ODAD2: variants seen among roughly 807,000 people sequenced by gnomAD.
The protein encoded by ODAD2 is outer dynein arm docking complex subunit 2, also known as outer dynein arm-docking complex subunit 2.
ODAD2 carries 89 observed loss-of-function variants against 106.8 expected under a neutral mutation model. That is an observed-to-expected ratio of 0.83 (90% CI 0.70 to 0.99). The LOEUF (loss-of-function observed/expected upper bound fraction) is 0.99. Among genes scored for constraint, ODAD2 ranks in the 50% least tolerant of loss-of-function variants. The pLI, the probability that ODAD2 is intolerant of heterozygous loss-of-function variation, is 0.00. For missense variants in ODAD2, 1,168 were observed against 1,238.5 expected (o/e 0.94, Z 0.85); for synonymous variants, 404 against 436.2 (o/e 0.93, Z 0.92).
chr10:27,876,629 G>T (rs1841358255), intron 17 of ODAD2, among the ~76,000 whole-genome samples: 1 of 152,178 alleles, frequency 6.6e-6, no homozygotes, highest in South Asian at 2.1e-4. Context: ...CCAATTATGG[G>T]CAATGAGGTC....
At chr10:27,957,707 G>A (rs772469122) in intron 10 of ODAD2, 9 of 152,134 alleles carry the variant, frequency 5.9e-5, no homozygotes, top group Non-Finnish European at 1.0e-4. Flanking sequence ...AAACTTGCAG[G>A]TTGAAATTAA....
At chr10:27,880,204 C>G (rs1167223632) in intron 17 of ODAD2, among the ~76,000 whole-genome samples, 2 of 152,088 alleles carry the variant, frequency 1.3e-5, no homozygotes, top group Non-Finnish European at 2.9e-5. Flanking sequence ...TTCTAGCTAC[C>G]CTTTATTGCA....
At chr10:27,865,006 A>G (rs1281222190) in intron 17 of ODAD2, among the ~76,000 whole-genome samples, 1 of 152,154 alleles carries the variant, frequency 6.6e-6, no homozygotes, top group African/African-American at 2.4e-5. Context: ...CAACTGAGTG[A>G]TCATTAGAAA....
intron 7 of ODAD2, among the ~76,000 whole-genome samples, chr10:27,971,714 G>C (rs568942576): frequency 8.4e-4 from 128 of 152,218 alleles, no homozygotes; most frequent in African/African-American, 2.9e-3. Context: ...AATTTTAAAA[G>C]ACTTCTCATC....
intron 13 of ODAD2, 82 bp downstream of exon 13, chr10:27,940,481 C>A: frequency 1.3e-6 from 2 of 1,521,578 alleles, no homozygotes; most frequent in Non-Finnish European, 1.8e-6. Flanking sequence ...GTCCTTGAGC[C>A]ATCATGATAA....
chr10:27,919,196 A>G lies in ODAD2; in HGVS notation c.2496-11419T>C, dbSNP rs189284543. ...TGAGATACCAAGTTAATCAAATGAAAAATAGTGTTTTCAATAAATGGTACT... is the reference window on the plus strand; with the variant it reads ...TGAGATACCAAGTTAATCAAATGAAGAATAGTGTTTTCAATAAATGGTACT... On this transcript the variant is annotated intron_variant, in intron 16 of 19. Coordinates refer to ENST00000305242, the MANE Select transcript of ODAD2 (RefSeq NM_018076.5). 1.5e-3 allele frequency among the ~76,000 whole-genome samples: 226 copies of G among 152,144 alleles called. 1 individual carries two copies. Among genetic ancestry groups the G allele is most frequent in the African/African-American group, 5.1e-3 (210 of 41,564 alleles).
chr10:27,950,025 C>T (rs1251744103), intron 10 of ODAD2, among the ~76,000 whole-genome samples: 1 of 152,114 alleles, frequency 6.6e-6, no homozygotes, highest in Non-Finnish European at 1.5e-5. Flanking sequence ...TGATCAGGAC[C>T]AGAGGCCTCT....
chr10:27,920,869 A>AG lies in ODAD2; in HGVS notation c.2496-13093_2496-13092insC, dbSNP rs528160808. 1.9e-4 allele frequency among the ~76,000 whole-genome samples: 29 copies of AG among 152,216 alleles called. 2 individuals carry two copies. In the South Asian group the frequency reaches 5.8e-3, roughly 31 times the overall value. ...AACCCAATGTAAAAACTGAAAAAAA[A>AG]AAACTATGTAAATGCAACATAATTA... On this transcript the variant is annotated intron_variant, in intron 16 of 19. Transcript: ENST00000305242.
intron 19 of ODAD2, among the ~76,000 whole-genome samples, chr10:27,827,776 T>G (rs1465599834): frequency 2.0e-5 from 3 of 152,138 alleles, no homozygotes; most frequent in African/African-American, 7.2e-5. Flanking sequence ...ACCCACTGAT[T>G]CTCCAGCTCA....
chr10:27,812,471 T>A lies in ODAD2; in HGVS notation c.*41A>T. 1 of 1,579,356 alleles carries A rather than the reference T, an allele frequency of 6.3e-7. No homozygotes were observed. The highest frequency in any genetic ancestry group is 8.7e-7 in the Non-Finnish European group (1 of 1,151,252). On this transcript the variant is annotated 3_prime_UTR_variant, in exon 20 of 20. Coordinates refer to ENST00000305242, the MANE Select transcript of ODAD2 (RefSeq NM_018076.5). ...CTGGCCATGGGAGTGACATGTCCTGTGTCATGTAGAATTTGATAGCTTGTA... is the reference window on the plus strand; with the variant it reads ...CTGGCCATGGGAGTGACATGTCCTGAGTCATGTAGAATTTGATAGCTTGTA...
intron 17 of ODAD2, among the ~76,000 whole-genome samples, chr10:27,897,324 G>A (rs188713479): frequency 3.9e-5 from 6 of 152,094 alleles, no homozygotes; most frequent in East Asian, 3.9e-4. Context: ...ATCCAGATTC[G>A]TGTATTCAAA....
intron 19 of ODAD2, among the ~76,000 whole-genome samples, chr10:27,837,046 G>A (rs375376870): frequency 3.9e-5 from 6 of 152,064 alleles, no homozygotes; most frequent in Non-Finnish European, 7.4e-5. Flanking sequence ...TCTGGGACTC[G>A]TAGGAGTGTA....
chr10:27,891,579 A>G (rs1842567143), intron 17 of ODAD2, among the ~76,000 whole-genome samples: 1 of 152,096 alleles, frequency 6.6e-6, no homozygotes, highest in Admixed American at 6.6e-5. Context: ...CCTGTTTTCT[A>G]TCTAATTCAT....
intron 16 of ODAD2, among the ~76,000 whole-genome samples, chr10:27,913,543 C>G (rs2133903078): frequency 6.6e-6 from 1 of 152,204 alleles, no homozygotes; most frequent in Admixed American, 6.6e-5. Context: ...ACACAGTAAA[C>G]AGATAAACCC....
chr10:27,912,022 G>A lies in ODAD2; in HGVS notation c.2496-4245C>T, dbSNP rs1186529939. Among the ~76,000 whole-genome samples the A allele has an allele frequency of 2.6e-5, 4 of 152,062 alleles. 1 individual carries two copies. In the South Asian group the frequency reaches 6.2e-4, roughly 24 times the overall value. ...AAAATACACGTTCAAATTCTAAATC[G>A]GAGCAGTAAAGTTTTCATTTGAAGT... is the stretch of plus-strand genomic sequence containing the variant. On this transcript the variant is annotated intron_variant, in intron 16 of 19. Transcript: ENST00000305242.
intron 17 of ODAD2, among the ~76,000 whole-genome samples, chr10:27,902,378 A>T (rs993966793): frequency 2.0e-5 from 3 of 152,208 alleles, no homozygotes; most frequent in African/African-American, 7.2e-5. Context: ...TAACATCACA[A>T]TTATAAGAAC....
At chr10:27,993,313 A>G (rs1179791467) in intron 2 of ODAD2, among the ~76,000 whole-genome samples, 1 of 152,230 alleles carries the variant, frequency 6.6e-6, no homozygotes, top group Admixed American at 6.5e-5. Flanking sequence ...TTCTGGAGAA[A>G]GTTACCACTG....
intron 8 of ODAD2, among the ~76,000 whole-genome samples, chr10:27,969,446 T>C (rs1188789555): frequency 2.6e-5 from 4 of 152,308 alleles, no homozygotes; most frequent in African/African-American, 4.8e-5. Context: ...GAATACCTGC[T>C]AAGGAATCTC....
chr10:27,965,212 T>C (rs557759090), intron 9 of ODAD2, among the ~76,000 whole-genome samples: 5 of 152,208 alleles, frequency 3.3e-5, no homozygotes, highest in Non-Finnish European at 5.9e-5. Flanking sequence ...AGGGTTACAC[T>C]AGCCTCATAG....
Sources: allele counts gnomAD v4.1 joint callset (sites outside exome capture counted in the v4.1 genomes callset), GRCh38; gene constraint gnomAD v4.1.1; transcripts MANE v1.5; gene names NCBI Gene and HGNC (gene_info 2026-07-23, HGNC 2026-07-21).